ZNF697: variants seen among roughly 807,000 people sequenced by gnomAD.
ZNF697 encodes the protein zinc finger protein 697.
In ZNF697, 23 loss-of-function variants were observed where a neutral mutation model predicts 32.4. That is an observed-to-expected ratio of 0.71 (90% CI 0.51 to 1.01). The LOEUF (loss-of-function observed/expected upper bound fraction) is 1.01, where lower values mean the gene tolerates loss of function less well. Among genes scored for constraint, ZNF697 ranks in the 50% least tolerant of loss-of-function variants. The pLI is 0.00. For missense variants in ZNF697, 930 were observed against 794.0 expected (o/e 1.17, Z -2.06); for synonymous variants, 418 against 337.2 (o/e 1.24, Z -2.62).
intron 1 of ZNF697, among the ~76,000 whole-genome samples, chr1:119,633,635 C>G (rs1648845810): frequency 6.6e-6 from 1 of 152,204 alleles, no homozygotes; most frequent in Non-Finnish European, 1.5e-5. Flanking sequence ...ATGTTATCCT[C>G]ATCTAAAAAA....
intron 1 of ZNF697, among the ~76,000 whole-genome samples, chr1:119,630,879 A>G (rs1482028907): frequency 6.6e-6 from 1 of 152,126 alleles, no homozygotes; most frequent in Non-Finnish European, 1.5e-5. Context: ...CAAAAAAAAA[A>G]GAGGAAGGGA....
intron 1 of ZNF697, among the ~76,000 whole-genome samples, chr1:119,627,463 G>T (rs998360711): frequency 3.3e-5 from 5 of 152,244 alleles, no homozygotes; most frequent in African/African-American, 1.2e-4. Context: ...CACAGGGAGG[G>T]TGTTAGAAGG....
intron 1 of ZNF697, among the ~76,000 whole-genome samples, chr1:119,639,433 T>C (rs1410430158): frequency 6.6e-6 from 1 of 152,156 alleles, no homozygotes; most frequent in Admixed American, 6.5e-5. Flanking sequence ...TCTTACCTCA[T>C]CTTAACCTCT....
rs772091671 is a variant in ZNF697 at position 119,626,065 on chromosome 1, G to A, written c.36C>T (p.His12=). 148 of 1,613,742 alleles carry A rather than the reference G, an allele frequency of 9.2e-5. 1 individual carries two copies. Among genetic ancestry groups the A allele is most frequent in the Middle Eastern group, 1.6e-4 (1 of 6,084 alleles). The change falls in exon 2 of 3, where the codon CAC becomes CAT. Residue 12 remains histidine, a synonymous_variant. Coordinates refer to ENST00000421812, the MANE Select transcript of ZNF697 (RefSeq NM_001080470.2). The stretch of plus-strand genomic sequence containing the variant: ...CCATCCCTTTGTCTTCTGAGTCCTG[G>A]TGTGCACAGACACCCTGATTATCTT... ...KQEDNQGVCA[H]QDSEDKGMGS... is the part of the protein sequence containing the mutation.
rs1398048350 is a variant in ZNF697, at chr1:119,635,819, T to C, written c.-37-9682A>G. Among the ~76,000 whole-genome samples the C allele has an allele frequency of 2.0e-5, 3 of 152,184 alleles. No individual in the cohort carries two copies. The South Asian group carries it at 6.2e-4, about 32-fold the overall frequency. ...TTTACTAGCCCAAACTGAGAACTTTTAAATTTAGATAGTGTTGTCAGACAG... is the reference window on the plus strand; with the variant it reads ...TTTACTAGCCCAAACTGAGAACTTTCAAATTTAGATAGTGTTGTCAGACAG... On this transcript the variant is annotated intron_variant, in intron 1 of 2. Transcript: ENST00000421812.
intron 1 of ZNF697, among the ~76,000 whole-genome samples, chr1:119,628,483 G>A (rs950999274): frequency 9.2e-5 from 14 of 152,184 alleles, no homozygotes; most frequent in African/African-American, 3.1e-4. Context: ...TAGGGCTGAC[G>A]TATGAAAAGT....
chr1:119,621,810 G>A lies in ZNF697; in HGVS notation c.*895C>T, dbSNP rs1162406066. 2 of 152,212 alleles carry A rather than the reference G, an allele frequency of 1.3e-5. No individual in the cohort carries two copies. Among genetic ancestry groups the A allele is most frequent in the African/African-American group, 4.8e-5 (2 of 41,448 alleles). The allele number at this position is 152,212 out of a possible 1,614,324, so 9.4% of individuals were successfully genotyped here. A position where few individuals can be genotyped will look rare whatever the true frequency, so the allele number is the denominator to read the frequency against. ...AGTTCACTTGAAACACCTACATCAA[G>A]GTGAGGTGGGAAAAGGAAAGTCACA... is the stretch of plus-strand genomic sequence containing the variant. On this transcript the variant is annotated 3_prime_UTR_variant, in exon 3 of 3. Transcript: ENST00000421812.
At chr1:119,636,317 C>T (rs1404874063) in intron 1 of ZNF697, among the ~76,000 whole-genome samples, 1 of 152,148 alleles carries the variant, frequency 6.6e-6, no homozygotes, top group Non-Finnish European at 1.5e-5. Flanking sequence ...AGGCCCATAG[C>T]TTTTTCTTGG....
intron 1 of ZNF697, among the ~76,000 whole-genome samples, chr1:119,638,824 C>T (rs1313381830): frequency 6.6e-6 from 1 of 152,162 alleles, no homozygotes; most frequent in African/African-American, 2.4e-5. Context: ...TGCTGTCCCG[C>T]ATGTCCCATG....
intron 1 of ZNF697, among the ~76,000 whole-genome samples, chr1:119,630,729 G>C (rs894061958): frequency 1.3e-5 from 2 of 152,154 alleles, no homozygotes. Flanking sequence ...GGGTGTGGTG[G>C]CACATGTCTT....
intron 1 of ZNF697, among the ~76,000 whole-genome samples, chr1:119,647,215 C>A (rs1400971484): frequency 6.6e-6 from 1 of 152,140 alleles, no homozygotes; most frequent in East Asian, 1.9e-4. Context: ...GCCTCTGTGT[C>A]GCTGCTCCCC....
intron 1 of ZNF697, among the ~76,000 whole-genome samples, chr1:119,632,693 TCCA>T (rs1255812918): frequency 2.0e-5 from 3 of 152,156 alleles, no homozygotes; most frequent in Non-Finnish European, 4.4e-5. Context: ...ATGCCAATCC[TCCA>T]CCACCACCCT....
chr1:119,625,757 A>T, intron 2 of ZNF697, 118 bp downstream of exon 2: 2 of 1,345,936 alleles, frequency 1.5e-6, no homozygotes, highest in Non-Finnish European at 1.0e-6. Flanking sequence ...AATCCTGCTT[A>T]ATGGTCCCCT....
chr1:119,631,994 G>T (rs1490423594), intron 1 of ZNF697, among the ~76,000 whole-genome samples: 3 of 152,188 alleles, frequency 2.0e-5, no homozygotes, highest in African/African-American at 7.2e-5. Context: ...CGGTTCAAAA[G>T]GCTGAACTCA....
rs587701334 is a variant in ZNF697, at chr1:119,623,492, G to C, written c.851C>G (p.Thr284Arg). The change falls in exon 3 of 3, where the codon ACG (threonine) becomes AGG (arginine). Residue 284 changes from threonine (T) to arginine (R), a missense_variant. Transcript: ENST00000421812. ...GGCGCACAGGTTGGGCCGCTCGCCC[G>C]TGTGCAGGCGCAGGTGGTTGGTCAG... ...TYLTNHLRLH[T>R]GERPNLCADC... 6.2e-5 allele frequency: 98 copies of C among 1,569,362 alleles called. No individual in the cohort carries two copies. In the African/African-American group the frequency reaches 1.2e-3, roughly 19 times the overall value.
chr1:119,631,937 C>T (rs1370217641), intron 1 of ZNF697, among the ~76,000 whole-genome samples: 3 of 152,322 alleles, frequency 2.0e-5, no homozygotes, highest in South Asian at 2.1e-4. Flanking sequence ...AGAGTCCAGG[C>T]GGGGACACCC....
At chr1:119,637,448 T>C (rs773454672) in intron 1 of ZNF697, among the ~76,000 whole-genome samples, 14 of 152,234 alleles carry the variant, frequency 9.2e-5, no homozygotes, top group African/African-American at 3.4e-4. Flanking sequence ...CCACAGATAA[T>C]GAGCAAATCT....
Position 119,623,727 on chromosome 1 carries a change from G to T in ZNF697, c.616C>A (p.Gln206Lys). Residue 206 changes from glutamine to lysine, a missense_variant, in exon 3 of 3, where the codon CAG becomes AAG. Physicochemically the swap from Gln to Lys is moderately conservative, Grantham distance 53. Coordinates refer to ENST00000421812, the MANE Select transcript of ZNF697 (RefSeq NM_001080470.2). ...GCCAGGCGGTGAATGCGCTGGTGCT[G>T]CAGGAAGGCGGCGCCAGGACTGAAG... ...ESFSPGAAFL[Q>K]HQRIHRLAEA... The T allele has an allele frequency of 6.5e-7, 1 of 1,528,528 alleles. No homozygotes were observed. The highest frequency in any genetic ancestry group is 8.8e-7 in the Non-Finnish European group (1 of 1,138,864). The allele number at this position is 1,528,528 out of a possible 1,614,324, so 94.7% of individuals were successfully genotyped here. A position where few individuals can be genotyped will look rare whatever the true frequency, so the allele number is the denominator to read the frequency against.
intron 1 of ZNF697, among the ~76,000 whole-genome samples, chr1:119,646,797 G>A (rs946502213): frequency 1.3e-5 from 2 of 152,168 alleles, no homozygotes; most frequent in Non-Finnish European, 2.9e-5. Context: ...CCTTAGGCAT[G>A]CTGAGTTCAG....
Sources: allele counts gnomAD v4.1 joint callset (sites outside exome capture counted in the v4.1 genomes callset), GRCh38; gene constraint gnomAD v4.1.1; transcripts MANE v1.5; gene names NCBI Gene and HGNC (gene_info 2026-07-23, HGNC 2026-07-21).